MRPS35: variants seen among roughly 807,000 people sequenced by gnomAD.
The protein encoded by MRPS35 is mitochondrial ribosomal protein S35, also known as small ribosomal subunit protein mS35.
MRPS35 carries 29 observed loss-of-function variants against 32.7 expected under a neutral mutation model. That is an observed-to-expected ratio of 0.89 (90% CI 0.66 to 1.21). The LOEUF (loss-of-function observed/expected upper bound fraction) is 1.21, where lower values mean the gene tolerates loss of function less well. MRPS35 is among the 50% of genes most tolerant of loss of function. The pLI, the probability that MRPS35 is intolerant of heterozygous loss-of-function variation, is 0.00. For missense variants in MRPS35, 373 were observed against 383.8 expected, an observed-to-expected ratio of 0.97 and a Z score of 0.23; for synonymous variants, 148 against 139.3, an observed-to-expected ratio of 1.06 and a Z score of -0.44.
intron 3 of MRPS35, among the ~76,000 whole-genome samples, chr12:27,716,713 C>T (rs901377912): frequency 3.3e-5 from 5 of 152,156 alleles, no homozygotes; most frequent in Non-Finnish European, 5.9e-5. Context: ...GTTGGCTGGG[C>T]GCAGTGGCTC....
At chr12:27,724,701 C>T (rs2061892616) in intron 5 of MRPS35, among the ~76,000 whole-genome samples, 1 of 151,934 alleles carries the variant, frequency 6.6e-6, no homozygotes, top group Non-Finnish European at 1.5e-5. Context: ...TGAGATCGCT[C>T]CACTGCACTC....
chr12:27,713,602 T>C (rs1374987928), intron 1 of MRPS35, among the ~76,000 whole-genome samples: 1 of 152,086 alleles, frequency 6.6e-6, no homozygotes, highest in Non-Finnish European at 1.5e-5. Flanking sequence ...TATTCTTCTT[T>C]CATCTGCCTT....
intron 1 of MRPS35, among the ~76,000 whole-genome samples, chr12:27,714,006 T>A (rs1387719696): frequency 6.7e-6 from 1 of 148,938 alleles, no homozygotes. Flanking sequence ...ACCTGGTAGT[T>A]CGAGGCTGCA....
At chr12:27,733,852 CAAATACA>C (rs1429446927) in intron 5 of MRPS35, among the ~76,000 whole-genome samples, 1 of 152,156 alleles carries the variant, frequency 6.6e-6, no homozygotes, top group African/African-American at 2.4e-5. Context: ...TTCTCTACTT[CAAATACA>C]AAATACAAAA....
chr12:27,730,020 A>G (rs1273899323), intron 5 of MRPS35, among the ~76,000 whole-genome samples: 2 of 152,238 alleles, frequency 1.3e-5, no homozygotes, highest in Non-Finnish European at 2.9e-5. Flanking sequence ...TTTAGTTTAC[A>G]GAAAGGTTCC....
intron 1 of MRPS35, among the ~76,000 whole-genome samples, chr12:27,711,903 A>G (rs2061826929): frequency 1.1e-5 from 1 of 92,840 alleles, no homozygotes; most frequent in South Asian, 3.5e-4. Context: ...AAATTCTTGG[A>G]ATACTTAACT....
intron 1 of MRPS35, among the ~76,000 whole-genome samples, chr12:27,712,307 G>A (rs2061830273): frequency 6.6e-6 from 1 of 152,148 alleles, no homozygotes; most frequent in South Asian, 2.1e-4. Flanking sequence ...ACGTCAGAGA[G>A]TTAGTTAAGT....
At chr12:27,717,449 A>G (rs1334948227) in intron 3 of MRPS35, among the ~76,000 whole-genome samples, 1 of 152,224 alleles carries the variant, frequency 6.6e-6, no homozygotes, top group Non-Finnish European at 1.5e-5. Flanking sequence ...GAAAATATAA[A>G]TGCTTAGTCT....
chr12:27,744,665 G>A (rs1451608339), intron 7 of MRPS35, among the ~76,000 whole-genome samples: 1 of 152,170 alleles, frequency 6.6e-6, no homozygotes, highest in African/African-American at 2.4e-5. Context: ...ACTTACTGAT[G>A]TTACAGTGTT....
intron 5 of MRPS35, among the ~76,000 whole-genome samples, chr12:27,733,253 C>T (rs2061929918): frequency 6.6e-6 from 1 of 151,854 alleles, no homozygotes; most frequent in African/African-American, 2.4e-5. Context: ...TACCAGGTGG[C>T]GTGAGTGCAC....
chr12:27,737,122 C>T lies in MRPS35; in HGVS notation c.633-417C>T, dbSNP rs536602946. Among the ~76,000 whole-genome samples the T allele has an allele frequency of 3.9e-5, 6 of 152,322 alleles. No homozygotes were observed. The East Asian group carries it at 1.2e-3, about 29-fold the overall frequency. The stretch of plus-strand genomic sequence containing the variant: ...AACTTCTAGCCTCAAGCAACCCTCC[C>T]ACCTCACCCTCCGGGATTACAGGCA... On this transcript the variant is annotated intron_variant, in intron 6 of 7. Transcript: ENST00000081029.
intron 4 of MRPS35, among the ~76,000 whole-genome samples, chr12:27,720,911 CA>C (rs1160889958): frequency 6.6e-6 from 1 of 151,772 alleles, no homozygotes; most frequent in Non-Finnish European, 1.5e-5. Context: ...GTATATATTC[CA>C]ATTTAAGTTC....
intron 5 of MRPS35, among the ~76,000 whole-genome samples, chr12:27,731,018 A>T (rs373874098): frequency 6.6e-6 from 1 of 152,248 alleles, no homozygotes; most frequent in African/African-American, 2.4e-5. Context: ...TTTATTAATC[A>T]TTTATTTATA....
At chr12:27,754,096 A>T (rs1406443248) in intron 7 of MRPS35, among the ~76,000 whole-genome samples, 1 of 152,128 alleles carries the variant, frequency 6.6e-6, no homozygotes, top group African/African-American at 2.4e-5. Context: ...TCTACTAAAA[A>T]TACAAAAATT....
chr12:27,735,600 C>A, intron 6 of MRPS35, 44 bp downstream of exon 6: 1 of 1,369,796 alleles, frequency 7.3e-7, no homozygotes, highest in South Asian at 1.2e-5. Context: ...TGTGTTTCCT[C>A]ATTGTCCTCC....
chr12:27,732,675 CAT>C (rs2061926123), intron 5 of MRPS35, among the ~76,000 whole-genome samples: 1 of 152,082 alleles, frequency 6.6e-6, no homozygotes. Context: ...TTTTGATAGT[CAT>C]AAAAGTTTAG....
intron 7 of MRPS35, among the ~76,000 whole-genome samples, chr12:27,742,252 T>C (rs2140777655): frequency 6.6e-6 from 1 of 152,364 alleles, no homozygotes; most frequent in Non-Finnish European, 1.5e-5. Flanking sequence ...TGATTGTGTA[T>C]GCCTACACAC....
chr12:27,751,127 GAAAAGAAAAGAA>G (rs2062001372), intron 7 of MRPS35, among the ~76,000 whole-genome samples: 4 of 89,600 alleles, frequency 4.5e-5, no homozygotes, highest in Non-Finnish European at 7.2e-5. Flanking sequence ...AAAAAAAAAA[GAAAAGAAAAGAA>G]AAAGGAAAAG....
At chr12:27,719,657 A>G in intron 3 of MRPS35, 151 bp from the exon 4 acceptor site, 1 of 521,434 alleles carries the variant, frequency 1.9e-6, no homozygotes, top group Non-Finnish European at 3.4e-6. Flanking sequence ...TGGGCGACAG[A>G]GCGAGACTCT....
Sources: gnomAD v4.1 joint callset for allele counts (sites outside exome capture counted in the v4.1 genomes callset) on GRCh38, gnomAD v4.1.1 for gene constraint, MANE v1.5 for transcripts, NCBI Gene and HGNC (gene_info 2026-07-23, HGNC 2026-07-21) for gene names.